DLC1: variants seen among roughly 807,000 people sequenced by gnomAD.
DLC1 encodes rho GTPase-activating protein 7.
Under a neutral mutation model 140.3 loss-of-function variants are expected in DLC1, and 54 were observed. The observed-to-expected ratio is 0.38, with a 90% CI of 0.31 to 0.48. The LOEUF is 0.48. Among genes scored for constraint, DLC1 ranks in the 20% least tolerant of loss-of-function variants. The pLI is 0.96. For missense variants in DLC1, 2,536 were observed against 1,907.0 expected, an observed-to-expected ratio of 1.33 and a Z score of -6.14; for synonymous variants, 986 against 728.1, an observed-to-expected ratio of 1.35 and a Z score of -5.70.
chr8:13,126,368 TACACACACACACACACAC>T (rs3065349), intron 5 of DLC1, among the ~76,000 whole-genome samples: 1 of 145,494 alleles, frequency 6.9e-6, no homozygotes, highest in African/African-American at 2.6e-5. Context: ...TCTCTATCCA[TACACACACACACACACAC>T]ACACACACAC....
At chr8:13,127,647 C>G (rs1330151905) in intron 5 of DLC1, among the ~76,000 whole-genome samples, 1 of 152,246 alleles carries the variant, frequency 6.6e-6, no homozygotes, top group Non-Finnish European at 1.5e-5. Context: ...GCATGGGCCA[C>G]AGGCCATTTC....
In DLC1 at chr8:13,474,397, C is replaced by G. The variant is rs559989665; in HGVS notation, c.1023+24652G>C. Reference sequence around the variant, plus strand: ...AGAAGTTTGCTGCAGGGGTGAGGCCCTCCTGGAGAACTTCTGCTAGGGCAG... The same window carrying G: ...AGAAGTTTGCTGCAGGGGTGAGGCCGTCCTGGAGAACTTCTGCTAGGGCAG... On this transcript the variant is annotated intron_variant, in intron 2 of 17. Coordinates refer to ENST00000276297, the MANE Select transcript of DLC1 (RefSeq NM_182643.3). Among the ~76,000 whole-genome samples, 3 of 152,314 alleles carry G rather than the reference C, an allele frequency of 2.0e-5. No homozygotes were observed. The South Asian group carries it at 6.2e-4, about 32-fold the overall frequency.
intron 2 of DLC1, among the ~76,000 whole-genome samples, chr8:13,435,987 C>T (rs1340429198): frequency 2.0e-5 from 3 of 152,172 alleles, no homozygotes; most frequent in Non-Finnish European, 4.4e-5. Context: ...GCTGAAAGTT[C>T]AGATGATTGT....
chr8:13,558,522 G>C (rs572096517), intron 1 of DLC1: 1 of 152,008 alleles, frequency 6.6e-6, no homozygotes, highest in East Asian at 1.9e-4. Flanking sequence ...TTGCATTTTG[G>C]TTAACCGAAG....
intron 2 of DLC1, among the ~76,000 whole-genome samples, chr8:13,497,064 T>C (rs1279835750): frequency 6.6e-6 from 1 of 152,092 alleles, no homozygotes; most frequent in Non-Finnish European, 1.5e-5. Flanking sequence ...CCTCCCAAAG[T>C]GCTGGGATTA....
intron 5 of DLC1, among the ~76,000 whole-genome samples, chr8:13,199,532 C>A (rs1389515749): frequency 1.3e-5 from 2 of 152,100 alleles, no homozygotes; most frequent in African/African-American, 4.8e-5. Flanking sequence ...GGAAGTTTTC[C>A]CACCTGCTCT....
At chr8:13,245,892 C>T (rs1428072644) in intron 5 of DLC1, among the ~76,000 whole-genome samples, 1 of 151,724 alleles carries the variant, frequency 6.6e-6, no homozygotes, top group African/African-American at 2.4e-5. Flanking sequence ...AGTAGAGATG[C>T]AGTTTCACCA....
chr8:13,260,564 C>T (rs1183224466), intron 5 of DLC1, among the ~76,000 whole-genome samples: 2 of 151,568 alleles, frequency 1.3e-5, no homozygotes, highest in African/African-American at 2.4e-5. Flanking sequence ...TGGAAAATGT[C>T]CAATAGACAG....
At chr8:13,221,768 T>G (rs1043923461) in intron 5 of DLC1, among the ~76,000 whole-genome samples, 2 of 143,366 alleles carry the variant, frequency 1.4e-5, no homozygotes, top group African/African-American at 5.1e-5. Context: ...TATATAATAT[T>G]AATATATTAA....
Position 13,085,869 on chromosome 8 carries a change from T to C in DLC1, c.4529A>G (p.Lys1510Arg), listed in dbSNP as rs1817512264. The change falls in exon 18 of 18, where the codon AAG (lysine) becomes AGG (arginine). Residue 1510 changes from lysine (K) to arginine (R), a missense_variant. Lys to Arg is a conservative substitution (Grantham distance 26). Transcript: ENST00000276297. The part of the protein sequence containing the change: ...FGHLCAAEVV[K>R]IRDSFSNQNT... ...CTGGTTACTGAAGGAATCCCGGATC[T>C]TTACAACTTCAGCTGCACACAAATG... is the stretch of plus-strand genomic sequence containing the variant. The C allele has an allele frequency of 6.2e-6, 10 of 1,614,062 alleles. No homozygotes were observed. The highest frequency in any genetic ancestry group is 6.8e-6 in the Non-Finnish European group (8 of 1,180,042).
intron 4 of DLC1, chr8:13,342,155 A>G (rs1834089949): frequency 6.6e-6 from 1 of 152,242 alleles, no homozygotes; most frequent in Non-Finnish European, 1.5e-5. Context: ...TTAAAGTTCT[A>G]CATTTTCCTC....
At chr8:13,169,044 C>T (rs1202595819) in intron 5 of DLC1, among the ~76,000 whole-genome samples, 1 of 152,180 alleles carries the variant, frequency 6.6e-6, no homozygotes, top group Non-Finnish European at 1.5e-5. Flanking sequence ...ATTATTCAGC[C>T]ATAAATAGTA....
chr8:13,101,011 T>C, intron 8 of DLC1: 1 of 416,226 alleles, frequency 2.4e-6, no homozygotes, highest in Non-Finnish European at 4.1e-6. Flanking sequence ...CACCTGAGCC[T>C]CCCAAAGTGC....
chr8:13,575,505 A>C (rs1167770385), intron 1 of DLC1, among the ~76,000 whole-genome samples: 2 of 152,012 alleles, frequency 1.3e-5, no homozygotes, highest in Non-Finnish European at 2.9e-5. Flanking sequence ...TGCCACACCA[A>C]ATAAGGGAGC....
chr8:13,441,076 C>T lies in DLC1; in HGVS notation c.1024-39457G>A, dbSNP rs372109531. Reference sequence around the variant, plus strand: ...TATAACCTGGGATAATTCTACCAAACTACCACTACGAAGAATTTCATTCAT... The same window carrying T: ...TATAACCTGGGATAATTCTACCAAATTACCACTACGAAGAATTTCATTCAT... On this transcript the variant is annotated intron_variant, in intron 2 of 17. Transcript: ENST00000276297. 6.6e-5 allele frequency among the ~76,000 whole-genome samples: 10 copies of T among 152,290 alleles called. No homozygotes were observed. In the South Asian group the frequency reaches 2.1e-3, roughly 32 times the overall value.
Position 13,100,518 on chromosome 8 carries a change from C to T in DLC1, c.1819G>A (p.Ala607Thr). ...LSSTGSLPSH[A>T]PPSEDAATPR... ...GTGGCAGCATCCTCGCTGGGGGGCG[C>T]GTGGCTGGGGAGGCTGCCAGTGCTG... Residue 607 changes from alanine (A) to threonine (T), a missense_variant, in exon 9 of 18, where the codon GCG becomes ACG. By Grantham distance (58) the Ala-to-Thr change is moderately conservative. Transcript: ENST00000276297. The T allele has an allele frequency of 6.2e-7, 1 of 1,612,496 alleles. No homozygotes were observed. Among genetic ancestry groups the T allele is most frequent in the Non-Finnish European group, 8.5e-7 (1 of 1,179,860 alleles).
chr8:13,254,975 T>C (rs1830158674), intron 5 of DLC1, among the ~76,000 whole-genome samples: 1 of 149,666 alleles, frequency 6.7e-6, no homozygotes, highest in African/African-American at 2.5e-5. Flanking sequence ...TCTTTTTTTT[T>C]CTTTTTTCTT....
intron 1 of DLC1, among the ~76,000 whole-genome samples, chr8:13,543,891 C>A (rs1434178912): frequency 6.6e-6 from 1 of 151,854 alleles, no homozygotes; most frequent in Non-Finnish European, 1.5e-5. Context: ...ATATTGGGTA[C>A]AATGTACACT....
intron 5 of DLC1, among the ~76,000 whole-genome samples, chr8:13,264,998 T>C (rs1457695254): frequency 6.6e-6 from 1 of 152,204 alleles, no homozygotes; most frequent in Non-Finnish European, 1.5e-5. Context: ...GATTACCTAC[T>C]CTTCAAAAGT....
Sources: allele counts gnomAD v4.1 joint callset (sites outside exome capture counted in the v4.1 genomes callset), GRCh38; gene constraint gnomAD v4.1.1; transcripts MANE v1.5; gene names NCBI Gene and HGNC (gene_info 2026-07-23, HGNC 2026-07-21).